The following ITPR1 variants were observed in gnomAD, a reference collection of about 807,000 sequenced individuals.
ITPR1 encodes inositol 1,4,5-trisphosphate-gated calcium channel ITPR1.
Under a neutral mutation model 318.4 loss-of-function variants are expected in ITPR1, and 96 were observed. The ratio of observed to expected loss-of-function variants is 0.30; its 90% confidence interval spans 0.26 to 0.36. The LOEUF (loss-of-function observed/expected upper bound fraction) is 0.36. Ranked by LOEUF, ITPR1 falls within the 10% of genes least tolerant of loss-of-function variation. The probability of loss-of-function intolerance (pLI) is 1.00; values close to 1 mark genes in which losing one functional copy is unlikely to be tolerated. For missense variants in ITPR1, 2,440 were observed against 3,460.2 expected (o/e 0.71, Z 7.40); for synonymous variants, 1,312 against 1,289.9 (o/e 1.02, Z -0.37).
At chr3:4,624,641 G>T (rs2092760636) in intron 4 of ITPR1, among the ~76,000 whole-genome samples, 1 of 135,342 alleles carries the variant, frequency 7.4e-6, no homozygotes, top group Admixed American at 8.2e-5. Flanking sequence ...CTGCACTCCA[G>T]CCTGGGCAAC....
intron 60 of ITPR1, among the ~76,000 whole-genome samples, chr3:4,832,664 C>T (rs1325183263): frequency 6.6e-6 from 1 of 152,146 alleles, no homozygotes; most frequent in East Asian, 1.9e-4. Flanking sequence ...TCTATCTGGT[C>T]TACGTAACTT....
At chr3:4,572,019 C>T (rs2088059133) in intron 4 of ITPR1, among the ~76,000 whole-genome samples, 1 of 152,194 alleles carries the variant, frequency 6.6e-6, no homozygotes, top group Non-Finnish European at 1.5e-5. Context: ...TCCCTAAATC[C>T]TAGCTCATGG....
At chr3:4,840,989 A>G (rs1458164197) in intron 61 of ITPR1, among the ~76,000 whole-genome samples, 3 of 152,196 alleles carry the variant, frequency 2.0e-5, no homozygotes, top group African/African-American at 7.2e-5. Context: ...AGCATTTGGC[A>G]TTTTTCATAC....
At chr3:4,594,066 G>A (rs1455131550) in intron 4 of ITPR1, among the ~76,000 whole-genome samples, 1 of 152,178 alleles carries the variant, frequency 6.6e-6, no homozygotes, top group African/African-American at 2.4e-5. Flanking sequence ...AAGAATGGTG[G>A]AGGTGGCCAT....
At chr3:4,509,446 G>C (rs150362089) in intron 2 of ITPR1, among the ~76,000 whole-genome samples, 1,565 of 152,296 alleles carry the variant, frequency 0.01, 24 homozygotes, top group African/African-American at 0.036. Context: ...GTAGGTTTCT[G>C]TTCTTGATCT....
At chr3:4,528,573 T>A (rs1316283416) in intron 4 of ITPR1, among the ~76,000 whole-genome samples, 3 of 152,206 alleles carry the variant, frequency 2.0e-5, no homozygotes, top group African/African-American at 7.2e-5. Flanking sequence ...TACTTAGTTT[T>A]AAATACCCTC....
chr3:4,649,037 A>G lies in ITPR1; in HGVS notation c.856-3086A>G, dbSNP rs144212924. On this transcript the variant is annotated intron_variant, in intron 10 of 61. Coordinates refer to ENST00000649015, the MANE Select transcript of ITPR1 (RefSeq NM_001378452.1). ...TGGTCCCCACCACAGAGTTTTTTACATTCAGAACAGTCTCTCAGAACCACT... is the reference window on the plus strand; with the variant it reads ...TGGTCCCCACCACAGAGTTTTTTACGTTCAGAACAGTCTCTCAGAACCACT... 1.3e-3 allele frequency among the ~76,000 whole-genome samples: 202 copies of G among 152,328 alleles called. 2 individuals carry two copies. Among genetic ancestry groups the G allele is most frequent in the South Asian group, 0.011 (53 of 4,832 alleles).
intron 4 of ITPR1, among the ~76,000 whole-genome samples, chr3:4,536,303 C>T (rs2083865683): frequency 6.6e-6 from 1 of 152,144 alleles, no homozygotes; most frequent in Non-Finnish European, 1.5e-5. Flanking sequence ...TTTAATTGGA[C>T]TTTAAGATAA....
At chr3:4,671,330 C>T (rs1439089291) in intron 20 of ITPR1, among the ~76,000 whole-genome samples, 1 of 152,166 alleles carries the variant, frequency 6.6e-6, no homozygotes, top group Non-Finnish European at 1.5e-5. Context: ...GCCAATCTCA[C>T]CAAATGTTTA....
At chr3:4,570,879 CACA>C (rs1431991083) in intron 4 of ITPR1, among the ~76,000 whole-genome samples, 2 of 152,214 alleles carry the variant, frequency 1.3e-5, no homozygotes, top group Non-Finnish European at 2.9e-5. Context: ...CTCAGGCAGA[CACA>C]ACAAGAAGTG....
At chr3:4,714,761 G>C (rs1429476493) in intron 39 of ITPR1, among the ~76,000 whole-genome samples, 1 of 152,224 alleles carries the variant, frequency 6.6e-6, no homozygotes, top group Non-Finnish European at 1.5e-5. Flanking sequence ...CAAGGTCACA[G>C]ATGAAAAAGA....
chr3:4,644,084 C>A, intron 7 of ITPR1, 52 bp from the exon 8 acceptor site: 1 of 1,217,544 alleles, frequency 8.2e-7, no homozygotes, highest in Non-Finnish European at 1.2e-6. Flanking sequence ...AGTGGTCAAT[C>A]CGCAGTCCTT....
chr3:4,763,786 AC>A (rs1365599000), intron 44 of ITPR1, among the ~76,000 whole-genome samples: 6 of 152,018 alleles, frequency 3.9e-5, no homozygotes, highest in Non-Finnish European at 8.8e-5. Flanking sequence ...CCTTACCCTG[AC>A]CCTAGCGGTT....
chr3:4,713,778 T>A (rs774563606), intron 39 of ITPR1, among the ~76,000 whole-genome samples: 8 of 152,174 alleles, frequency 5.3e-5, no homozygotes, highest in Admixed American at 2.0e-4. Flanking sequence ...GGTGAAGAAA[T>A]CAGTCACACC....
intron 2 of ITPR1, among the ~76,000 whole-genome samples, chr3:4,496,180 C>T (rs1246148221): frequency 6.6e-6 from 1 of 152,170 alleles, no homozygotes; most frequent in Non-Finnish European, 1.5e-5. Context: ...AGGCGTTTCC[C>T]CATCTGAATA....
rs561639817 is a variant in ITPR1 at position 4,542,162 on chromosome 3, C to T, written c.163+21068C>T. ...CAAGCTTCTACTTTACTTCCTGTTA[C>T]CAAAAAAGCACACTTTAAATATATT... is the stretch of plus-strand genomic sequence containing the variant. On this transcript the variant is annotated intron_variant, in intron 4 of 61. Coordinates refer to ENST00000649015, the MANE Select transcript of ITPR1 (RefSeq NM_001378452.1). Among the ~76,000 whole-genome samples the T allele has an allele frequency of 1.2e-3, 179 of 152,138 alleles. 1 individual carries two copies. The highest frequency in any genetic ancestry group is 1.6e-3 in the Non-Finnish European group (112 of 68,024).
chr3:4,519,151 C>G (rs2082371809), intron 3 of ITPR1, among the ~76,000 whole-genome samples: 2 of 152,202 alleles, frequency 1.3e-5, no homozygotes, highest in Non-Finnish European at 1.5e-5. Flanking sequence ...AGAGTGCCAT[C>G]TACAATTCAT....
chr3:4,795,722 T>C (rs1575280720), intron 53 of ITPR1, among the ~76,000 whole-genome samples: 1 of 152,184 alleles, frequency 6.6e-6, no homozygotes, highest in African/African-American at 2.4e-5. Context: ...TATTAAGAGG[T>C]ACCTGCCATT....
At chr3:4,733,304 T>C (rs2043057200) in intron 43 of ITPR1, 84 bp downstream of exon 43, 2 of 1,480,788 alleles carry the variant, frequency 1.4e-6, no homozygotes, top group Non-Finnish European at 1.9e-6. Flanking sequence ...CAGGTTGAAA[T>C]GCTCACAACA....
Sources: gnomAD v4.1 joint callset for allele counts (sites outside exome capture counted in the v4.1 genomes callset) on GRCh38, gnomAD v4.1.1 for gene constraint, MANE v1.5 for transcripts, NCBI Gene and HGNC (gene_info 2026-07-23, HGNC 2026-07-21) for gene names.